The following FUT8 variants were observed in gnomAD, a reference collection of about 807,000 sequenced individuals.
FUT8 encodes alpha-(1,6)-fucosyltransferase.
FUT8 carries 29 observed loss-of-function variants against 71.3 expected under a neutral mutation model. The ratio of observed to expected loss-of-function variants is 0.41; its 90% CI spans 0.30 to 0.55. The LOEUF (loss-of-function observed/expected upper bound fraction) is 0.55. FUT8 is among the 20% of genes least tolerant of loss of function. The probability of loss-of-function intolerance (pLI) is 0.34; values close to 1 mark genes in which losing one functional copy is unlikely to be tolerated. For missense variants in FUT8, 544 were observed against 702.1 expected (o/e 0.77, Z 2.55); for synonymous variants, 254 against 239.3 (o/e 1.06, Z -0.57).
intron 2 of FUT8, among the ~76,000 whole-genome samples, chr14:65,526,810 C>T (rs1211937430): frequency 6.6e-6 from 1 of 152,078 alleles, no homozygotes; most frequent in Non-Finnish European, 1.5e-5. Flanking sequence ...TTTATTTCTC[C>T]TTCACTTATG....
At chr14:65,466,231 G>A (rs534889823) in intron 2 of FUT8, among the ~76,000 whole-genome samples, 49 of 152,164 alleles carry the variant, frequency 3.2e-4, no homozygotes, top group African/African-American at 1.1e-3. Context: ...ATTTGCTCTC[G>A]ACAGCATGTG....
chr14:65,486,635 A>C (rs1240797325), intron 2 of FUT8, among the ~76,000 whole-genome samples: 1 of 152,262 alleles, frequency 6.6e-6, no homozygotes, highest in African/African-American at 2.4e-5. Context: ...AGGGCAGTGT[A>C]GCTTATGGCT....
intron 2 of FUT8, among the ~76,000 whole-genome samples, chr14:65,558,003 A>G (rs1885687550): frequency 6.6e-6 from 1 of 152,068 alleles, no homozygotes; most frequent in Non-Finnish European, 1.5e-5. Context: ...AGAAAATAAG[A>G]TACATTATTT....
At chr14:65,426,699 C>A (rs933348166) in intron 1 of FUT8, among the ~76,000 whole-genome samples, 2 of 152,092 alleles carry the variant, frequency 1.3e-5, no homozygotes, top group East Asian at 3.9e-4. Flanking sequence ...AAGGTCAGAG[C>A]GCTCTTCTTA....
chr14:65,595,518 G>T (rs1475971260), intron 3 of FUT8, among the ~76,000 whole-genome samples: 3 of 149,632 alleles, frequency 2.0e-5, no homozygotes, highest in Non-Finnish European at 4.4e-5. Context: ...TGAGAAGAAA[G>T]TTCACTTCGA....
chr14:65,599,722 T>C (rs989070685), intron 3 of FUT8, among the ~76,000 whole-genome samples: 3 of 152,344 alleles, frequency 2.0e-5, no homozygotes, highest in Admixed American at 1.3e-4. Flanking sequence ...AGTGTTATTA[T>C]CATTTACCCT....
chr14:65,694,843 T>G (rs1893904123), intron 7 of FUT8, among the ~76,000 whole-genome samples: 1 of 130,388 alleles, frequency 7.7e-6, no homozygotes. Flanking sequence ...AATTGAACAA[T>G]GAGAACACAT....
the FUT8 span, among the ~76,000 whole-genome samples, chr14:65,361,811 T>C: frequency 2.4e-3 from 338 of 143,276 alleles, 1 homozygote; most frequent in East Asian, 8.4e-3. Flanking sequence ...AACAAACAAA[T>C]AAATAAATAA....
At chr14:65,522,289 C>T (rs1186416132) in intron 2 of FUT8, among the ~76,000 whole-genome samples, 1 of 152,088 alleles carries the variant, frequency 6.6e-6, no homozygotes, top group African/African-American at 2.4e-5. Context: ...TATTCTCATT[C>T]CAGTATTCTT....
chr14:65,637,543 C>G (rs1188506747), intron 6 of FUT8, among the ~76,000 whole-genome samples: 1 of 151,758 alleles, frequency 6.6e-6, no homozygotes. Context: ...AAAATTAAGC[C>G]CATTTCAGGT....
chr14:65,693,947 T>G (rs943500653), intron 7 of FUT8, among the ~76,000 whole-genome samples: 1 of 152,250 alleles, frequency 6.6e-6, no homozygotes, highest in Non-Finnish European at 1.5e-5. Flanking sequence ...ATTGGTTCAA[T>G]TCATGTTAGC....
At position 65,496,284 on chromosome 14, in the gene FUT8, T is replaced by C. The variant is rs543537814; in HGVS notation, c.-228+40566T>C. Among the ~76,000 whole-genome samples the C allele has an allele frequency of 1.2e-4, 19 of 152,286 alleles. No individual in the cohort carries two copies. In the South Asian group the frequency reaches 3.7e-3, roughly 30 times the overall value. On this transcript the variant is annotated intron_variant, in intron 2 of 10. Coordinates refer to ENST00000673929, the MANE Select transcript of FUT8 (RefSeq NM_001371533.1). The stretch of plus-strand genomic sequence containing the variant: ...TTACATAGATTTCCTAATTTGTAAT[T>C]CTCAAGTGCTGTGAAACATTAAACA...
chr14:65,452,040 G>A (rs970730024), intron 1 of FUT8, among the ~76,000 whole-genome samples: 5 of 152,100 alleles, frequency 3.3e-5, no homozygotes, highest in African/African-American at 1.2e-4. Flanking sequence ...TCTGTCCCCC[G>A]TTCCTGTCAA....
At chr14:65,523,500 A>G (rs1883226705) in intron 2 of FUT8, among the ~76,000 whole-genome samples, 1 of 152,130 alleles carries the variant, frequency 6.6e-6, no homozygotes, top group Non-Finnish European at 1.5e-5. Context: ...GTAGATTGCA[A>G]AAATTTTCTC....
At chr14:65,439,954 G>GTGTATGTGTATA in intron 1 of FUT8, among the ~76,000 whole-genome samples, 1 of 74,984 alleles carries the variant, frequency 1.3e-5, no homozygotes, top group African/African-American at 5.1e-5. Flanking sequence ...GTGTGTGTGT[G>GTGTATGTGTATA]TATATATATA....
intron 7 of FUT8, among the ~76,000 whole-genome samples, chr14:65,689,014 C>T (rs1893442368): frequency 6.6e-6 from 1 of 152,162 alleles, no homozygotes; most frequent in Admixed American, 6.5e-5. Flanking sequence ...GGCCCCATCT[C>T]CTCATACCAT....
At chr14:65,598,409 G>GA (rs1027668750) in intron 3 of FUT8, among the ~76,000 whole-genome samples, 4 of 152,096 alleles carry the variant, frequency 2.6e-5, no homozygotes, top group African/African-American at 9.7e-5. Context: ...TTTTAATAGA[G>GA]ACGGGGTTTC....
At chr14:65,475,514 G>A (rs754721575) in intron 2 of FUT8, among the ~76,000 whole-genome samples, 42 of 152,230 alleles carry the variant, frequency 2.8e-4, no homozygotes, top group Middle Eastern at 3.4e-3. Context: ...TAGAGGCAGA[G>A]CATTGCTTGA....
chr14:65,632,838 A>G (rs1178017742), intron 6 of FUT8, among the ~76,000 whole-genome samples: 1 of 152,156 alleles, frequency 6.6e-6, no homozygotes, highest in African/African-American at 2.4e-5. Context: ...TCTAGAATTT[A>G]TATAGTTTCA....
Sources: gnomAD v4.1 joint callset for allele counts (sites outside exome capture counted in the v4.1 genomes callset) on GRCh38, gnomAD v4.1.1 for gene constraint, MANE v1.5 for transcripts, NCBI Gene and HGNC (gene_info 2026-07-23, HGNC 2026-07-21) for gene names.